Variants in GSK3B observed in about 807,000 individuals in gnomAD.
The protein encoded by GSK3B is glycogen synthase kinase-3 beta.
In GSK3B, 15 loss-of-function variants were observed where a neutral mutation model predicts 56.4. The observed-to-expected ratio is 0.27, with a 90% CI of 0.18 to 0.41. The LOEUF (loss-of-function observed/expected upper bound fraction) is 0.41, where lower values mean the gene tolerates loss of function less well. GSK3B is among the 10% of genes least tolerant of loss of function. GSK3B has a pLI of 1.00. For missense variants in GSK3B, 300 were observed against 513.4 expected (o/e 0.58, Z 4.02); for synonymous variants, 181 against 188.9 (o/e 0.96, Z 0.34).
chr3:119,887,694 GAAACA>G (rs1449548054), intron 7 of GSK3B, among the ~76,000 whole-genome samples: 1 of 151,920 alleles, frequency 6.6e-6, no homozygotes, highest in Non-Finnish European at 1.5e-5. Context: ...ACTATTTGAA[GAAACA>G]TTACCAAAAC....
At chr3:119,897,755 T>C (rs1263559881) in intron 7 of GSK3B, among the ~76,000 whole-genome samples, 1 of 137,238 alleles carries the variant, frequency 7.3e-6, no homozygotes, top group Non-Finnish European at 1.5e-5. Context: ...ACAGCGCCAC[T>C]GAACTTCCAG....
chr3:120,078,638 T>TG (rs369429296), intron 1 of GSK3B, among the ~76,000 whole-genome samples: 231 of 151,452 alleles, frequency 1.5e-3, no homozygotes, highest in Middle Eastern at 3.4e-3. Context: ...CTACAACCTC[T>TG]GCCTCTGGGG....
At chr3:120,032,234 T>G (rs2057982384) in intron 1 of GSK3B, among the ~76,000 whole-genome samples, 5 of 152,148 alleles carry the variant, frequency 3.3e-5, no homozygotes, top group Admixed American at 3.3e-4. Flanking sequence ...CCCAACACTT[T>G]GGGAGGCCGA....
Position 119,843,279 on chromosome 3 carries a change from G to T in GSK3B, c.1171C>A (p.Pro391Thr), listed in dbSNP as rs369649606. The T allele has an allele frequency of 2.5e-6, 4 of 1,609,338 alleles. No homozygotes were observed. Among genetic ancestry groups the T allele is most frequent in the African/African-American group, 1.3e-5 (1 of 74,766 alleles). The change falls in exon 10 of 11, where the codon CCC becomes ACC. Residue 391 changes from proline to threonine, a missense_variant. Pro to Thr is a conservative substitution (Grantham distance 38). This residue lies in a region of GSK3B where 88 missense variants were observed against 92.7 expected (regional missense o/e 0.95). Transcript: ENST00000264235. Reference protein sequence around the residue: ...HARIQAAASTPTNATAASDAN... With the variant: ...HARIQAAASTTTNATAASDAN... ...CCTGACGCTGCTGTGGCATTTGTGG[G>T]GGTTGAAGCAGCTGCTTGAATCCGA...
rs2056168376 is a variant in GSK3B, at chr3:119,865,464, A to AT, written c.910-1860dup. 1.1e-3 allele frequency among the ~76,000 whole-genome samples: 31 copies of AT among 28,524 alleles called. No individual in the cohort carries two copies. In the South Asian group the frequency reaches 0.021, roughly 19 times the overall value. The allele number at this position is 28,524 out of a possible 152,430, so 18.7% of individuals were successfully genotyped here. ...TATATATATATATATATATATATATATATTTTTTTTTTTTTTTTTTTTTTT... is the reference window on the plus strand; with the variant it reads ...TATATATATATATATATATATATATATTATTTTTTTTTTTTTTTTTTTTTTT... On this transcript the variant is annotated intron_variant, in intron 8 of 10. Coordinates refer to ENST00000264235, the MANE Select transcript of GSK3B (RefSeq NM_001146156.2).
intron 9 of GSK3B, 98 bp downstream of exon 9, chr3:119,863,321 G>T: frequency 1.0e-6 from 1 of 962,106 alleles, no homozygotes; most frequent in Non-Finnish European, 1.6e-6. Context: ...TAATATGTCC[G>T]TTTTTGTCCT....
Position 120,093,336 on chromosome 3 carries a change from C to G in GSK3B, c.88+11G>C. The G allele has an allele frequency of 6.3e-7, 1 of 1,578,906 alleles. No homozygotes were observed. The highest frequency in any genetic ancestry group is 1.3e-5 in the African/African-American group (1 of 74,322). ...GGTGGAAAAGGGGTGTAAAATAAAA[C>G]CAATACTCACTGCTAACTTTCATGC... On this transcript the variant is annotated intron_variant, in intron 1 of 10. Coordinates refer to ENST00000264235, the MANE Select transcript of GSK3B (RefSeq NM_001146156.2).
intron 1 of GSK3B, among the ~76,000 whole-genome samples, chr3:120,024,298 A>T (rs1246434625): frequency 2.0e-5 from 3 of 152,058 alleles, no homozygotes; most frequent in Admixed American, 1.3e-4. Context: ...TATGCTCTCC[A>T]CTACTGGAGC....
intron 2 of GSK3B, among the ~76,000 whole-genome samples, chr3:119,965,435 C>T (rs2057310661): frequency 6.6e-6 from 1 of 151,240 alleles, no homozygotes; most frequent in South Asian, 2.1e-4. Flanking sequence ...TAGTCTTGAA[C>T]TCCTGAGCTC....
intron 7 of GSK3B, among the ~76,000 whole-genome samples, chr3:119,901,198 T>C (rs909205534): frequency 3.3e-5 from 5 of 152,146 alleles, no homozygotes; most frequent in Non-Finnish European, 7.4e-5. Context: ...CTATATCATA[T>C]ATTTCTTGAG....
At chr3:120,000,328 T>C (rs1033520214) in intron 2 of GSK3B, among the ~76,000 whole-genome samples, 2 of 152,184 alleles carry the variant, frequency 1.3e-5, no homozygotes, top group African/African-American at 4.8e-5. Context: ...CTTGACAATT[T>C]GAGATAACAG....
At chr3:119,913,806 G>C (rs1034766715) in intron 5 of GSK3B, among the ~76,000 whole-genome samples, 1 of 152,060 alleles carries the variant, frequency 6.6e-6, no homozygotes, top group African/African-American at 2.4e-5. Flanking sequence ...TTCATCACTA[G>C]TTTTGAAGTT....
At chr3:119,886,592 C>G (rs1414492502) in intron 7 of GSK3B, among the ~76,000 whole-genome samples, 1 of 151,988 alleles carries the variant, frequency 6.6e-6, no homozygotes, top group African/African-American at 2.4e-5. Flanking sequence ...CCACAGCATT[C>G]TTCACAATAA....
intron 1 of GSK3B, among the ~76,000 whole-genome samples, chr3:120,069,282 A>C (rs2058307451): frequency 6.6e-6 from 1 of 152,240 alleles, no homozygotes; most frequent in South Asian, 2.1e-4. Flanking sequence ...TAGGAAATAA[A>C]AAGGAAGGAA....
At chr3:119,999,895 T>C (rs2057659317) in intron 2 of GSK3B, among the ~76,000 whole-genome samples, 2 of 152,206 alleles carry the variant, frequency 1.3e-5, no homozygotes, top group African/African-American at 4.8e-5. Flanking sequence ...AGTTTCTGCG[T>C]ACACAAGTAA....
At chr3:120,030,458 A>C (rs544395768) in intron 1 of GSK3B, among the ~76,000 whole-genome samples, 1 of 152,340 alleles carries the variant, frequency 6.6e-6, no homozygotes, top group Admixed American at 6.5e-5. Context: ...AAAACTCTTT[A>C]AAGCCTTCAG....
intron 2 of GSK3B, among the ~76,000 whole-genome samples, chr3:119,951,880 A>G (rs993777251): frequency 3.9e-5 from 6 of 152,132 alleles, no homozygotes; most frequent in African/African-American, 1.4e-4. Flanking sequence ...AAACATGAGA[A>G]TTAACTAGAG....
Position 119,925,654 on chromosome 3 carries a change from G to A in GSK3B, c.367-2171C>T, listed in dbSNP as rs767892943. On this transcript the variant is annotated intron_variant, in intron 3 of 10. Transcript: ENST00000264235. ...TTTGTCTTTCTGCATTAATTATTCC[G>A]TGTGGAAACATTACAATCAGCACAT... Among the ~76,000 whole-genome samples the A allele has an allele frequency of 4.6e-5, 7 of 151,284 alleles. 1 individual carries two copies. Among genetic ancestry groups the A allele is most frequent in the East Asian group, 3.9e-4 (2 of 5,164 alleles).
chr3:119,911,959 T>C (rs1309996664), intron 6 of GSK3B, among the ~76,000 whole-genome samples: 1 of 152,228 alleles, frequency 6.6e-6, no homozygotes, highest in Non-Finnish European at 1.5e-5. Flanking sequence ...TTATCATTCA[T>C]CTGTTCATTG....
Sources: allele counts gnomAD v4.1 joint callset (sites outside exome capture counted in the v4.1 genomes callset), GRCh38; gene constraint gnomAD v4.1.1; regional missense constraint gnomAD v4.1.1; transcripts MANE v1.5; gene names NCBI Gene and HGNC (gene_info 2026-07-23, HGNC 2026-07-21).